The following STK4 variants were observed in gnomAD, a reference collection of about 807,000 sequenced individuals.
The protein encoded by STK4 is serine/threonine kinase 4, also known as serine/threonine-protein kinase 4.
A neutral mutation model predicts 64.9 loss-of-function variants in STK4; 30 were observed. The ratio of observed to expected loss-of-function variants is 0.46; its 90% CI spans 0.35 to 0.63. The LOEUF (loss-of-function observed/expected upper bound fraction) is 0.63, where lower values mean the gene tolerates loss of function less well. Among genes scored for constraint, STK4 ranks in the 20% least tolerant of loss-of-function variants. The pLI is 0.01. For synonymous variants in STK4, 177 were observed against 199.0 expected, an observed-to-expected ratio of 0.89 and a Z score of 0.93; for missense variants, 466 against 598.5, an observed-to-expected ratio of 0.78 and a Z score of 2.31.
intron 10 of STK4, among the ~76,000 whole-genome samples, chr20:45,035,676 G>A (rs542108468): frequency 7.2e-5 from 11 of 152,078 alleles, no homozygotes; most frequent in Admixed American, 5.9e-4. Flanking sequence ...TATCTTACCC[G>A]TCTTTGTATT....
At chr20:45,042,353 A>G (rs2068627392) in intron 10 of STK4, among the ~76,000 whole-genome samples, 1 of 152,008 alleles carries the variant, frequency 6.6e-6, no homozygotes, top group African/African-American at 2.4e-5. Context: ...GACAAAGGAG[A>G]TTTATGCAAG....
rs1357290077 is a variant in STK4 at position 45,079,215 on chromosome 20, C to CA, written c.*4048dup. The CA allele has an allele frequency of 5.4e-5, 8 of 149,074 alleles. No homozygotes were observed. In the South Asian group the frequency reaches 1.1e-3, roughly 20 times the overall value. 9.2% of individuals were successfully genotyped at this position (149,074 alleles called of 1,614,324 possible). On this transcript the variant is annotated 3_prime_UTR_variant, in exon 11 of 11. Coordinates refer to ENST00000372806, the MANE Select transcript of STK4 (RefSeq NM_006282.5). ...TGGGTGACAGAATGAGACCCCGTCT[C>CA]AAAAAAAAAGAAGAAGTAGATAATC...
At chr20:45,033,391 T>G (rs990133619) in intron 10 of STK4, among the ~76,000 whole-genome samples, 1 of 152,100 alleles carries the variant, frequency 6.6e-6, no homozygotes, top group Non-Finnish European at 1.5e-5. Context: ...TCTTCTAGGG[T>G]TTTTATAGTT....
chr20:45,028,666 A>G (rs1342188530), intron 10 of STK4, among the ~76,000 whole-genome samples: 1 of 152,116 alleles, frequency 6.6e-6, no homozygotes, highest in Admixed American at 6.5e-5. Flanking sequence ...GATTAGTGAT[A>G]TTGAGATTTT....
intron 10 of STK4, among the ~76,000 whole-genome samples, chr20:45,057,966 A>T (rs1445958143): frequency 6.6e-6 from 1 of 152,180 alleles, no homozygotes; most frequent in Non-Finnish European, 1.5e-5. Flanking sequence ...CTTTTACAGA[A>T]TAAGGATTAA....
intron 4 of STK4, among the ~76,000 whole-genome samples, chr20:44,984,976 T>A (rs901607187): frequency 1.9e-4 from 29 of 152,132 alleles, no homozygotes; most frequent in African/African-American, 7.0e-4. Context: ...TACTAGAAAA[T>A]TAAAAATTAT....
At chr20:45,044,597 G>A (rs1464485800) in intron 10 of STK4, among the ~76,000 whole-genome samples, 2 of 152,154 alleles carry the variant, frequency 1.3e-5, no homozygotes, top group Admixed American at 6.5e-5. Flanking sequence ...ATGGTTTGCA[G>A]TGAGCCGTGA....
intron 10 of STK4, 29 bp downstream of exon 10, chr20:45,025,159 G>T: frequency 6.3e-7 from 1 of 1,581,960 alleles, no homozygotes; most frequent in South Asian, 1.2e-5. Context: ...AAATGGTTAT[G>T]TCTTCAGGGG....
intron 9 of STK4, among the ~76,000 whole-genome samples, chr20:45,007,593 C>G (rs1298438154): frequency 6.6e-6 from 1 of 152,060 alleles, no homozygotes; most frequent in Admixed American, 6.5e-5. Context: ...AGTCTATGCT[C>G]TCTTCATTCC....
At chr20:45,050,197 G>C (rs1163167912) in intron 10 of STK4, among the ~76,000 whole-genome samples, 1 of 152,122 alleles carries the variant, frequency 6.6e-6, no homozygotes, top group East Asian at 1.9e-4. Context: ...ACTGGGAAAG[G>C]GGGAGCCAGT....
intron 6 of STK4, among the ~76,000 whole-genome samples, chr20:44,995,612 A>AC (rs1248229987): frequency 6.6e-6 from 1 of 151,516 alleles, no homozygotes; most frequent in Non-Finnish European, 1.5e-5. Context: ...TCTCAAAAAA[A>AC]AAAAAAAAAA....
chr20:44,984,357 C>T (rs1045347164), intron 4 of STK4, among the ~76,000 whole-genome samples: 10 of 151,726 alleles, frequency 6.6e-5, no homozygotes, highest in East Asian at 1.9e-4. Context: ...CCCGCCACCA[C>T]GCCTGGCTAA....
At chr20:45,036,577 G>A (rs983888786) in intron 10 of STK4, among the ~76,000 whole-genome samples, 1 of 152,126 alleles carries the variant, frequency 6.6e-6, no homozygotes, top group Admixed American at 6.5e-5. Flanking sequence ...TTTAAGAGAA[G>A]AGGTGAAAGT....
chr20:44,987,634 C>T (rs1467385479), intron 5 of STK4, among the ~76,000 whole-genome samples: 1 of 152,050 alleles, frequency 6.6e-6, no homozygotes, highest in East Asian at 1.9e-4. Context: ...TTGACTAAGA[C>T]ATAACATCAT....
At chr20:44,988,245 T>G (rs909486824) in intron 5 of STK4, among the ~76,000 whole-genome samples, 1 of 152,098 alleles carries the variant, frequency 6.6e-6, no homozygotes, top group Admixed American at 6.6e-5. Flanking sequence ...CCGGGTGCAG[T>G]GGCTTATGCC....
chr20:45,020,025 C>T (rs966241048), intron 9 of STK4, among the ~76,000 whole-genome samples: 1 of 152,128 alleles, frequency 6.6e-6, no homozygotes, highest in African/African-American at 2.4e-5. Flanking sequence ...TGTCAAGAAT[C>T]TTTATTTTGA....
intron 10 of STK4, among the ~76,000 whole-genome samples, chr20:45,040,839 A>C (rs1182371121): frequency 1.3e-5 from 2 of 152,042 alleles, no homozygotes; most frequent in Non-Finnish European, 2.9e-5. Context: ...TTTTTTCCTT[A>C]ACCACTTTCA....
intron 10 of STK4, among the ~76,000 whole-genome samples, chr20:45,052,279 C>T (rs550640518): frequency 8.0e-3 from 330 of 41,228 alleles, no homozygotes; most frequent in Non-Finnish European, 0.015. Context: ...ACTCTTCCAC[C>T]CCCCCCAGCA....
At chr20:45,048,054 T>A (rs2068723026) in intron 10 of STK4, among the ~76,000 whole-genome samples, 3 of 152,216 alleles carry the variant, frequency 2.0e-5, no homozygotes, top group Admixed American at 2.0e-4. Context: ...GTGTAAAAGA[T>A]GCTCAGTATA....
Sources: allele counts gnomAD v4.1 joint callset (sites outside exome capture counted in the v4.1 genomes callset), GRCh38; gene constraint gnomAD v4.1.1; transcripts MANE v1.5; gene names NCBI Gene and HGNC (gene_info 2026-07-23, HGNC 2026-07-21).